The following MRTFA variants were observed in gnomAD, a reference collection of about 807,000 sequenced individuals.
MRTFA encodes myocardin-related transcription factor A.
In MRTFA, 20 loss-of-function variants were observed where a neutral mutation model predicts 83.5. That is an observed-to-expected ratio of 0.24 (90% CI 0.17 to 0.35). The LOEUF is 0.35. Ranked by LOEUF, MRTFA falls within the 10% of genes least tolerant of loss-of-function variation. The pLI, the probability that MRTFA is intolerant of heterozygous loss-of-function variation, is 1.00. For missense variants in MRTFA, 1,200 were observed against 1,224.7 expected (o/e 0.98, Z 0.30); for synonymous variants, 659 against 541.2 (o/e 1.22, Z -3.02).
chr22:40,506,385 G>C (rs1207285999), intron 3 of MRTFA, among the ~76,000 whole-genome samples: 1 of 152,160 alleles, frequency 6.6e-6, no homozygotes, highest in Non-Finnish European at 1.5e-5. Flanking sequence ...AAGGTAATTT[G>C]CCAAGTAGTC....
chr22:40,601,737 G>A (rs1307473134), intron 1 of MRTFA, among the ~76,000 whole-genome samples: 1 of 152,156 alleles, frequency 6.6e-6, no homozygotes, highest in Non-Finnish European at 1.5e-5. Flanking sequence ...CTGAGCCATG[G>A]ATGTGCCACT....
intron 3 of MRTFA, among the ~76,000 whole-genome samples, chr22:40,515,239 C>G (rs1357441816): frequency 2.0e-5 from 3 of 151,988 alleles, no homozygotes; most frequent in Admixed American, 6.6e-5. Context: ...TTATTTCATT[C>G]ATTAACATAT....
chr22:40,591,670 A>C (rs1024844800), intron 2 of MRTFA, among the ~76,000 whole-genome samples: 1 of 152,228 alleles, frequency 6.6e-6, no homozygotes, highest in Non-Finnish European at 1.5e-5. Flanking sequence ...TCAAACAGGT[A>C]AATTCTGTAG....
chr22:40,415,837 C>T (rs766843351), intron 14 of MRTFA, among the ~76,000 whole-genome samples: 26 of 152,028 alleles, frequency 1.7e-4, no homozygotes, highest in Non-Finnish European at 2.2e-4. Flanking sequence ...GTCCAGGCCT[C>T]GGTCCTCAGC....
rs1294725383 is a variant in MRTFA, at chr22:40,418,638, G to A, written c.2100C>T (p.Ser700=). ...TGTGGTTGGTGGCTGGGGCCGCCAG[G>A]CTGGGGTTGAATGGGTGAGCGGGGC... The change falls in exon 12 of 15, where the codon AGC becomes AGT. Residue 700 remains serine, a synonymous_variant. Transcript: ENST00000355630. 6.5e-7 allele frequency: 1 copy of A among 1,529,886 alleles called. No homozygotes were observed. Among genetic ancestry groups the A allele is most frequent in the Non-Finnish European group, 8.7e-7 (1 of 1,146,168 alleles). The allele number at this position is 1,529,886 out of a possible 1,614,324, so 94.8% of individuals were successfully genotyped here.
Position 40,420,401 on chromosome 22 carries a change from G to A in MRTFA, c.1353+4C>T, listed in dbSNP as rs1569253511. 17 of 1,612,422 alleles carry A rather than the reference G, an allele frequency of 1.1e-5. No individual in the cohort carries two copies. Among genetic ancestry groups the A allele is most frequent in the Non-Finnish European group, 1.3e-5 (15 of 1,179,384 alleles). ...GTGGCTCAAGTTTTCCAGTGGCCAT[G>A]TACCTTCATGTCGTCCAGGTTGGCC... On this transcript the variant is annotated splice_donor_region_variant and intron_variant, in intron 11 of 14. Transcript: ENST00000355630.
chr22:40,506,814 A>G (rs78667435), intron 3 of MRTFA, among the ~76,000 whole-genome samples: 5,132 of 152,320 alleles, frequency 0.034, 297 homozygotes, highest in African/African-American at 0.12. Context: ...TAGTAGCATA[A>G]TACTATTAGC....
chr22:40,554,991 C>G (rs2055499107), intron 2 of MRTFA, among the ~76,000 whole-genome samples: 2 of 152,228 alleles, frequency 1.3e-5, no homozygotes, highest in Admixed American at 1.3e-4. Flanking sequence ...TGCATGGGGC[C>G]TGTAGCCCCT....
In MRTFA at chr22:40,574,524, T is replaced by C. The variant is rs543590291; in HGVS notation, c.-22+20150A>G. On this transcript the variant is annotated intron_variant, in intron 2 of 14. Coordinates refer to ENST00000355630, the MANE Select transcript of MRTFA (RefSeq NM_020831.6). ...ATCTCGGCTCACTGCAACCTCTGCC[T>C]CCTGGGTTCAAGCTATTCTCGTGCC... is the stretch of plus-strand genomic sequence containing the variant. Among the ~76,000 whole-genome samples, 6 of 151,806 alleles carry C rather than the reference T, an allele frequency of 4.0e-5. No homozygotes were observed. In the South Asian group the frequency reaches 1.3e-3, roughly 32 times the overall value.
At chr22:40,541,853 A>T (rs537236444) in intron 3 of MRTFA, among the ~76,000 whole-genome samples, 1 of 152,054 alleles carries the variant, frequency 6.6e-6, no homozygotes, top group East Asian at 1.9e-4. Flanking sequence ...TTTTTAGTAG[A>T]GACAGGGTTT....
At chr22:40,581,190 G>C (rs1009002390) in intron 2 of MRTFA, among the ~76,000 whole-genome samples, 1 of 151,870 alleles carries the variant, frequency 6.6e-6, no homozygotes, top group Non-Finnish European at 1.5e-5. Context: ...TGTCCATTCT[G>C]ACTGTACTAG....
chr22:40,620,093 G>C (rs912281854), intron 1 of MRTFA, among the ~76,000 whole-genome samples: 3 of 150,760 alleles, frequency 2.0e-5, no homozygotes, highest in African/African-American at 7.3e-5. Flanking sequence ...GAGTAGCTGG[G>C]ACTACAGACG....
At chr22:40,574,799 A>G (rs2147350433) in intron 2 of MRTFA, among the ~76,000 whole-genome samples, 1 of 152,236 alleles carries the variant, frequency 6.6e-6, no homozygotes, top group Non-Finnish European at 1.5e-5. Context: ...AATTATATGC[A>G]AATACTACAC....
At chr22:40,527,293 G>A (rs977742655) in intron 3 of MRTFA, among the ~76,000 whole-genome samples, 2 of 151,786 alleles carry the variant, frequency 1.3e-5, no homozygotes, top group Admixed American at 1.3e-4. Flanking sequence ...ATGCGACTTT[G>A]CCATGAGATT....
chr22:40,608,235 A>C (rs1480695855), intron 1 of MRTFA, among the ~76,000 whole-genome samples: 1 of 152,052 alleles, frequency 6.6e-6, no homozygotes, highest in Non-Finnish European at 1.5e-5. Flanking sequence ...GGCTGGTCTC[A>C]AACTCCCGAC....
chr22:40,604,708 T>C (rs910285685), intron 1 of MRTFA, among the ~76,000 whole-genome samples: 10 of 151,802 alleles, frequency 6.6e-5, no homozygotes, highest in Non-Finnish European at 8.8e-5. Flanking sequence ...GATCGCGCCA[T>C]TGCACTCCAG....
chr22:40,463,107 G>A, intron 4 of MRTFA, 114 bp downstream of exon 4: 1 of 892,070 alleles, frequency 1.1e-6, no homozygotes. Context: ...GAAGAGAGTG[G>A]AAAATAAAAC....
At chr22:40,473,281 G>A (rs550614511) in intron 3 of MRTFA, among the ~76,000 whole-genome samples, 2 of 152,074 alleles carry the variant, frequency 1.3e-5, no homozygotes, top group East Asian at 1.9e-4. Flanking sequence ...CACCTCAGCC[G>A]CCTGAGTAGC....
At chr22:40,634,202 C>A (rs369420498) in intron 1 of MRTFA, among the ~76,000 whole-genome samples, 2 of 152,098 alleles carry the variant, frequency 1.3e-5, no homozygotes, top group African/African-American at 4.8e-5. Flanking sequence ...ATCCTCCAGC[C>A]TCAGCCTCCT....
Sources: allele counts gnomAD v4.1 joint callset (sites outside exome capture counted in the v4.1 genomes callset), GRCh38; gene constraint gnomAD v4.1.1; transcripts MANE v1.5; gene names NCBI Gene and HGNC (gene_info 2026-07-23, HGNC 2026-07-21).